Variants in TFCP2L1 observed in about 807,000 individuals in gnomAD.
TFCP2L1 encodes transcription factor CP2 like 1.
A neutral mutation model predicts 72.2 loss-of-function variants in TFCP2L1; 12 were observed. That is an observed-to-expected ratio of 0.17 (90% CI 0.11 to 0.27). TFCP2L1 has a LOEUF of 0.27. Among genes scored for constraint, TFCP2L1 ranks in the 10% least tolerant of loss-of-function variants. The pLI is 1.00. For synonymous variants in TFCP2L1, 260 were observed against 251.0 expected (o/e 1.04, Z -0.34); for missense variants, 488 against 624.6 (o/e 0.78, Z 2.33).
intron 2 of TFCP2L1, among the ~76,000 whole-genome samples, chr2:121,275,398 CAAAAAA>C (rs575514638): frequency 1.5e-5 from 1 of 65,728 alleles, no homozygotes; most frequent in African/African-American, 6.9e-5. Context: ...GACTCCATCT[CAAAAAA>C]AAAAAAAAAA....
chr2:121,234,497 C>T (rs1379905573), intron 11 of TFCP2L1, among the ~76,000 whole-genome samples: 1 of 152,218 alleles, frequency 6.6e-6, no homozygotes, highest in Non-Finnish European at 1.5e-5. Flanking sequence ...TAACTCATTT[C>T]ATCCTCACAA....
intron 14 of TFCP2L1, 38 bp downstream of exon 14, chr2:121,225,524 G>C: frequency 6.2e-7 from 1 of 1,604,058 alleles, no homozygotes; most frequent in Non-Finnish European, 8.5e-7. Context: ...CCTCTCACCT[G>C]CCCCCACAAC....
chr2:121,251,199 T>C (rs1686604469), intron 2 of TFCP2L1, among the ~76,000 whole-genome samples: 1 of 151,254 alleles, frequency 6.6e-6, no homozygotes, highest in East Asian at 2.0e-4. Flanking sequence ...GAGGTTGCAG[T>C]GGGCCAAGAT....
chr2:121,240,635 T>C, intron 7 of TFCP2L1: 1 of 985,358 alleles, frequency 1.0e-6, no homozygotes, highest in Non-Finnish European at 1.2e-6. Context: ...GGCATGTGGC[T>C]CACCAGGACC....
At chr2:121,275,050 A>T (rs1687117633) in intron 2 of TFCP2L1, among the ~76,000 whole-genome samples, 1 of 152,172 alleles carries the variant, frequency 6.6e-6, no homozygotes, top group Non-Finnish European at 1.5e-5. Context: ...TCCAGCAGTT[A>T]TGACAATATT....
intron 2 of TFCP2L1, among the ~76,000 whole-genome samples, chr2:121,255,719 G>T (rs1018777932): frequency 6.6e-6 from 1 of 151,742 alleles, no homozygotes; most frequent in Non-Finnish European, 1.5e-5. Context: ...TTCAAGGAGT[G>T]TATCTATTAC....
At chr2:121,277,938 T>C (rs903359396) in intron 2 of TFCP2L1, among the ~76,000 whole-genome samples, 3 of 152,172 alleles carry the variant, frequency 2.0e-5, no homozygotes, top group Non-Finnish European at 4.4e-5. Context: ...AAGTAGATTA[T>C]TTTAATAACC....
intron 2 of TFCP2L1, among the ~76,000 whole-genome samples, chr2:121,273,319 G>A (rs1687082685): frequency 6.6e-6 from 1 of 152,008 alleles, no homozygotes; most frequent in African/African-American, 2.4e-5. Context: ...CACATCCCTT[G>A]TCATCCCTCC....
rs1026227402 is a variant in TFCP2L1, at chr2:121,285,167, G to C, written c.-58C>G. The C allele has an allele frequency of 9.4e-6, 13 of 1,379,136 alleles. No homozygotes were observed. In the Admixed American group the frequency reaches 1.4e-4, roughly 14 times the overall value. The allele number at this position is 1,379,136 out of a possible 1,614,324, so 85.4% of individuals were successfully genotyped here. A position where few individuals can be genotyped will look rare whatever the true frequency, so the allele number is the denominator to read the frequency against. ...GGCAGCAAGCGCAGACGCGGGGCGC[G>C]CCGAGGACCCAGCGGCGGCTTCGCG... On this transcript the variant is annotated 5_prime_UTR_variant, in exon 1 of 15. Coordinates refer to ENST00000263707, the MANE Select transcript of TFCP2L1 (RefSeq NM_014553.3).
At chr2:121,226,648 T>G (rs1573354458) in intron 13 of TFCP2L1, among the ~76,000 whole-genome samples, 1 of 151,828 alleles carries the variant, frequency 6.6e-6, no homozygotes, top group South Asian at 2.1e-4. Context: ...CTCTCTGGAG[T>G]TCTAATTTCG....
Position 121,236,102 on chromosome 2 carries a change from G to A in TFCP2L1, c.1004-791C>T, listed in dbSNP as rs563607404. Among the ~76,000 whole-genome samples, 89 of 152,252 alleles carry A rather than the reference G, an allele frequency of 5.8e-4. No homozygotes were observed. The Middle Eastern group carries it at 0.01, about 17-fold the overall frequency. The stretch of plus-strand genomic sequence containing the variant: ...GAATGTAGTCAGAGTGTTCATGCCC[G>A]TTATTACCTATCATTGTGTGACTAC... On this transcript the variant is annotated intron_variant, in intron 10 of 14. Transcript: ENST00000263707.
At chr2:121,255,615 G>C (rs1269331195) in intron 2 of TFCP2L1, among the ~76,000 whole-genome samples, 1 of 152,242 alleles carries the variant, frequency 6.6e-6, no homozygotes, top group Non-Finnish European at 1.5e-5. Flanking sequence ...TGACGCCGAA[G>C]GTGGAACACG....
At position 121,219,350 on chromosome 2, in the gene TFCP2L1, C is replaced by T. The variant is rs1383110823; in HGVS notation, c.*4991G>A. 6.6e-6 allele frequency: 1 copy of T among 152,318 alleles called. No homozygotes were observed. Among genetic ancestry groups the T allele is most frequent in the Non-Finnish European group, 1.5e-5 (1 of 68,106 alleles). 9.4% of individuals were successfully genotyped at this position (152,318 alleles called of 1,614,324 possible). A position where few individuals can be genotyped will look rare whatever the true frequency, so the allele number is the denominator to read the frequency against. ...GCAAATTCATGGGCAAGGGAAGGAA[C>T]CCAGGTACACATGTAAACACGCACA... On this transcript the variant is annotated 3_prime_UTR_variant, in exon 15 of 15. Transcript: ENST00000263707.
intron 14 of TFCP2L1, among the ~76,000 whole-genome samples, chr2:121,224,791 G>C (rs1026119051): frequency 6.6e-6 from 1 of 152,062 alleles, no homozygotes; most frequent in Admixed American, 6.5e-5. Context: ...GACCATCCTG[G>C]CTAACACAGT....
At chr2:121,248,867 A>G in intron 4 of TFCP2L1, 115 bp downstream of exon 4, 1 of 753,822 alleles carries the variant, frequency 1.3e-6, no homozygotes, top group Non-Finnish European at 2.1e-6. Flanking sequence ...TTTTACACAG[A>G]GCAGGTGCAA....
In TFCP2L1 at chr2:121,248,276, T is replaced by TAC. The variant is rs762272815; in HGVS notation, c.398-8_398-7dup. ...ACCAACAGACAGTGGAATATCTGCA[T>TAC]ACACACACACACATACAGAAAGTGC... On this transcript the variant is annotated splice_polypyrimidine_tract_variant and splice_region_variant and intron_variant, in intron 4 of 14. Transcript: ENST00000263707. 65 of 1,605,392 alleles carry TAC rather than the reference T, an allele frequency of 4.0e-5. No homozygotes were observed. Among genetic ancestry groups the TAC allele is most frequent in the African/African-American group, 2.1e-4 (16 of 74,786 alleles).
At chr2:121,246,489 A>AG (rs34405227) in intron 6 of TFCP2L1, among the ~76,000 whole-genome samples, 57,467 of 151,924 alleles carry the variant, frequency 0.38, 11,227 homozygotes, top group South Asian at 0.48. Context: ...TGTGCTTGGG[A>AG]GAAAAAAAAG....
At chr2:121,231,664 C>T (rs1156440373) in intron 13 of TFCP2L1, among the ~76,000 whole-genome samples, 162 bp downstream of exon 13, 1 of 152,252 alleles carries the variant, frequency 6.6e-6, no homozygotes, top group East Asian at 1.9e-4. Flanking sequence ...GACGGGGCCT[C>T]AGCACTCTCC....
chr2:121,249,745 A>G, intron 2 of TFCP2L1, 98 bp from the exon 3 acceptor site: 1 of 1,195,494 alleles, frequency 8.4e-7, no homozygotes, highest in Non-Finnish European at 1.2e-6. Flanking sequence ...GTGCCCATCC[A>G]GGCCTCAAGG....
Sources: allele counts gnomAD v4.1 joint callset (sites outside exome capture counted in the v4.1 genomes callset), GRCh38; gene constraint gnomAD v4.1.1; transcripts MANE v1.5; gene names NCBI Gene and HGNC (gene_info 2026-07-23, HGNC 2026-07-21).